Variants in FRMD5 observed in about 807,000 individuals in gnomAD.
The protein encoded by FRMD5 is FERM domain containing 5.
FRMD5 carries 20 observed loss-of-function variants against 69.0 expected under a neutral mutation model. The observed-to-expected ratio is 0.29, with a 90% confidence interval of 0.20 to 0.42. The LOEUF is 0.42. FRMD5 is among the 10% of genes least tolerant of loss of function. FRMD5 has a pLI of 1.00. For missense variants in FRMD5, 595 were observed against 708.6 expected, an observed-to-expected ratio of 0.84 and a Z score of 1.82; for synonymous variants, 271 against 260.1, an observed-to-expected ratio of 1.04 and a Z score of -0.40.
intron 1 of FRMD5, among the ~76,000 whole-genome samples, chr15:43,988,883 G>A (rs1364216691): frequency 1.3e-5 from 2 of 152,040 alleles, no homozygotes; most frequent in Non-Finnish European, 2.9e-5. Flanking sequence ...TAGAACTCTG[G>A]GGGATGCTCA....
intron 1 of FRMD5, among the ~76,000 whole-genome samples, chr15:44,085,801 A>G (rs115775161): frequency 5.4e-4 from 82 of 152,320 alleles, no homozygotes; most frequent in African/African-American, 1.9e-3. Flanking sequence ...ATTGAGCCCT[A>G]TTATGCAATC....
At chr15:43,959,781 T>C (rs571960760) in intron 1 of FRMD5, among the ~76,000 whole-genome samples, 1 of 152,360 alleles carries the variant, frequency 6.6e-6, no homozygotes, top group East Asian at 1.9e-4. Flanking sequence ...TTTTTGCTTG[T>C]TAAAAGACTA....
At chr15:44,021,791 C>T (rs947990443) in intron 1 of FRMD5, among the ~76,000 whole-genome samples, 2 of 152,030 alleles carry the variant, frequency 1.3e-5, no homozygotes, top group African/African-American at 4.8e-5. Flanking sequence ...TTCCACTTCT[C>T]GGTATATATT....
chr15:43,940,652 C>T lies in FRMD5; in HGVS notation c.103-16343G>A, dbSNP rs534995894. Among the ~76,000 whole-genome samples, 5 of 152,130 alleles carry T rather than the reference C, an allele frequency of 3.3e-5. No homozygotes were observed. The South Asian group carries it at 8.3e-4, about 25-fold the overall frequency. ...TGTGTATACCATGCTAAGAACTAGT[C>T]GGGAAATCACTGTAACAATACAGGT... On this transcript the variant is annotated intron_variant, in intron 1 of 13. Transcript: ENST00000417257.
chr15:44,082,812 T>C (rs1012946126), intron 1 of FRMD5, among the ~76,000 whole-genome samples: 5 of 151,988 alleles, frequency 3.3e-5, no homozygotes, highest in Non-Finnish European at 5.9e-5. Context: ...ACTAGCTAAT[T>C]GGCTAATTCA....
intron 1 of FRMD5, among the ~76,000 whole-genome samples, chr15:43,990,584 T>C (rs1304465387): frequency 1.3e-5 from 2 of 152,246 alleles, no homozygotes; most frequent in Admixed American, 6.5e-5. Flanking sequence ...ATGGTAATTT[T>C]TGGTCTCACA....
At chr15:44,076,788 G>GA (rs199532482) in intron 1 of FRMD5, among the ~76,000 whole-genome samples, 131 of 140,262 alleles carry the variant, frequency 9.3e-4, no homozygotes, top group Middle Eastern at 3.6e-3. Context: ...AAAAAGAAAA[G>GA]AAAAAAAAAA....
At chr15:43,972,381 C>T (rs1389204487) in intron 1 of FRMD5, among the ~76,000 whole-genome samples, 1 of 152,052 alleles carries the variant, frequency 6.6e-6, no homozygotes, top group Non-Finnish European at 1.5e-5. Context: ...TTTTCTTCAC[C>T]TTACTTTATT....
chr15:43,988,851 A>G (rs551634628), intron 1 of FRMD5, among the ~76,000 whole-genome samples: 5 of 152,254 alleles, frequency 3.3e-5, no homozygotes, highest in Middle Eastern at 3.4e-3. Context: ...ACAATGTACA[A>G]TGAAAGTCCC....
upstream of FRMD5, among the ~76,000 whole-genome samples, chr15:44,197,136 G>A (rs978745175): frequency 2.0e-5 from 3 of 151,972 alleles, no homozygotes; most frequent in Non-Finnish European, 2.9e-5. Flanking sequence ...GGGAGGTAGA[G>A]ATTGCAGTGA....
intron 4 of FRMD5, chr15:43,919,105 C>T (rs1003138551): frequency 2.7e-6 from 1 of 375,998 alleles, no homozygotes; most frequent in Non-Finnish European, 5.3e-6. Flanking sequence ...AATCTATTTG[C>T]AACCTCCGAA....
intron 1 of FRMD5, among the ~76,000 whole-genome samples, chr15:43,925,768 T>TTGC (rs1265340439): frequency 2.6e-5 from 4 of 152,194 alleles, no homozygotes; most frequent in African/African-American, 2.4e-5. Flanking sequence ...GCCACTGTCT[T>TTGC]TGCATTCCCT....
intron 1 of FRMD5, among the ~76,000 whole-genome samples, chr15:43,996,559 G>C (rs748754488): frequency 1.3e-4 from 19 of 151,992 alleles, no homozygotes; most frequent in South Asian, 6.2e-4. Flanking sequence ...TGCATGGATA[G>C]TTGTTTACAT....
intron 1 of FRMD5, among the ~76,000 whole-genome samples, chr15:44,053,500 T>G (rs1038378474): frequency 6.6e-6 from 1 of 152,022 alleles, no homozygotes; most frequent in African/African-American, 2.4e-5. Context: ...CTAGAGAGCT[T>G]GGATGGGAGC....
chr15:44,140,070 CAT>C lies in FRMD5; in HGVS notation c.102+54881_102+54882del, dbSNP rs2077246188. Among the ~76,000 whole-genome samples the C allele has an allele frequency of 2.0e-5, 3 of 151,856 alleles. No homozygotes were observed. The South Asian group carries it at 6.2e-4, about 32-fold the overall frequency. ...CTGTGTCTATGTATATATCCACATA[CAT>C]ATATGTGTGTATACATATATACACA... On this transcript the variant is annotated intron_variant, in intron 1 of 13. Transcript: ENST00000417257.
rs113922507 is a variant in FRMD5 at position 43,970,258 on chromosome 15, G to A, written c.103-45949C>T. On this transcript the variant is annotated intron_variant, in intron 1 of 13. Coordinates refer to ENST00000417257, the MANE Select transcript of FRMD5 (RefSeq NM_032892.5). Reference sequence around the variant, plus strand: ...GGCCTAGCTACTGCCAGCATTTCTTGACAATTTACTCTTGTTAACTGCTCT... The same window carrying A: ...GGCCTAGCTACTGCCAGCATTTCTTAACAATTTACTCTTGTTAACTGCTCT... 7.3e-3 allele frequency among the ~76,000 whole-genome samples: 1,106 copies of A among 152,314 alleles called. 10 individuals carry two copies. The highest frequency in any genetic ancestry group is 0.017 in the Middle Eastern group (5 of 294).
chr15:43,934,393 A>G (rs1014125579), intron 1 of FRMD5, among the ~76,000 whole-genome samples: 4 of 152,202 alleles, frequency 2.6e-5, no homozygotes, highest in Non-Finnish European at 4.4e-5. Flanking sequence ...TGATTCTGTT[A>G]TTAGTCAATC....
chr15:43,935,967 G>A (rs1290172961), intron 1 of FRMD5, among the ~76,000 whole-genome samples: 3 of 152,130 alleles, frequency 2.0e-5, no homozygotes, highest in African/African-American at 4.8e-5. Context: ...AGAGACACGC[G>A]GTTTAGACAT....
At chr15:43,959,990 T>C (rs2090171255) in intron 1 of FRMD5, among the ~76,000 whole-genome samples, 1 of 152,204 alleles carries the variant, frequency 6.6e-6, no homozygotes, top group African/African-American at 2.4e-5. Flanking sequence ...CGATCTCGGC[T>C]CAACGCAACC....
Sources: allele counts gnomAD v4.1 joint callset (sites outside exome capture counted in the v4.1 genomes callset), GRCh38; gene constraint gnomAD v4.1.1; transcripts MANE v1.5; gene names NCBI Gene and HGNC (gene_info 2026-07-23, HGNC 2026-07-21).